Variants in TP53I11 observed in about 807,000 individuals in gnomAD.
TP53I11 encodes the protein tumor protein p53 inducible protein 11.
In TP53I11, 9 loss-of-function variants were observed where a neutral mutation model predicts 23.3. The ratio of observed to expected loss-of-function variants is 0.39; its 90% CI spans 0.23 to 0.67. The LOEUF is 0.67. Ranked by LOEUF, TP53I11 falls within the 30% of genes least tolerant of loss-of-function variation. TP53I11 has a pLI of 0.48. For missense variants in TP53I11, 170 were observed against 255.2 expected (o/e 0.67, Z 2.27); for synonymous variants, 100 against 106.1 (o/e 0.94, Z 0.35).
chr11:44,949,222 GA>G (rs983549585), intron 1 of TP53I11, among the ~76,000 whole-genome samples: 4 of 152,132 alleles, frequency 2.6e-5, no homozygotes, highest in African/African-American at 9.7e-5. Context: ...CTAAGGAGCG[GA>G]CAGTGCCCCC....
Position 44,938,783 on chromosome 11 carries a change from G to A in TP53I11, c.-31-417C>T, listed in dbSNP as rs149756966. 4.8e-4 allele frequency among the ~76,000 whole-genome samples: 73 copies of A among 152,212 alleles called. No homozygotes were observed. The East Asian group carries it at 0.012, about 26-fold the overall frequency. On this transcript the variant is annotated intron_variant, in intron 1 of 6. Transcript: ENST00000525680. ...GGGTCTGTCCAAGCCTGGGGCAGGGGCTTCTGAGTTCTGGGGTTTGGGCCC... is the reference window on the plus strand; with the variant it reads ...GGGTCTGTCCAAGCCTGGGGCAGGGACTTCTGAGTTCTGGGGTTTGGGCCC...
intron 4 of TP53I11, 84 bp downstream of exon 4, chr11:44,937,220 T>C (rs1861240403): frequency 6.6e-7 from 1 of 1,506,916 alleles, no homozygotes; most frequent in Non-Finnish European, 9.0e-7. Flanking sequence ...GGGGCCAGGA[T>C]GGAGGAGGCA....
intron 1 of TP53I11, among the ~76,000 whole-genome samples, chr11:44,940,284 A>T (rs1222864332): frequency 6.6e-6 from 1 of 152,124 alleles, no homozygotes; most frequent in African/African-American, 2.4e-5. Flanking sequence ...ATACAGCAAA[A>T]TTGACGGGCT....
At chr11:44,941,972 C>T (rs895041710) in intron 1 of TP53I11, among the ~76,000 whole-genome samples, 2 of 141,764 alleles carry the variant, frequency 1.4e-5, no homozygotes, top group Non-Finnish European at 3.1e-5. Context: ...ACTGCACACA[C>T]AGTACACACA....
chr11:44,937,889 T>C (rs547220557), intron 2 of TP53I11, among the ~76,000 whole-genome samples: 11 of 152,360 alleles, frequency 7.2e-5, no homozygotes, highest in Non-Finnish European at 1.0e-4. Flanking sequence ...CACTTACCGG[T>C]GTGGCCTTGG....
intron 1 of TP53I11, among the ~76,000 whole-genome samples, chr11:44,943,824 C>T (rs1418513147): frequency 6.6e-6 from 1 of 152,208 alleles, no homozygotes; most frequent in African/African-American, 2.4e-5. Context: ...CCGTGTATCT[C>T]CCCGTGAGGC....
chr11:44,935,015 C>A lies in TP53I11; in HGVS notation c.439G>T (p.Val147Phe). The A allele has an allele frequency of 6.2e-7, 1 of 1,613,574 alleles. No homozygotes were observed. The highest frequency in any genetic ancestry group is 8.5e-7 in the Non-Finnish European group (1 of 1,179,968). ...CCCGTCTCAGCTAGCGTGGCAGTGA[C>A]CACTGTGGGAGAGAGTCCAGCAAGG... ...ACYFGVQFLV[V>F]TATLAETGLM... Residue 147 changes from valine to phenylalanine, a missense_variant and splice_region_variant, in exon 7 of 7, where the codon GTC becomes TTC. Physicochemically the swap from Val to Phe is conservative, Grantham distance 50 (BLOSUM62 -1). Transcript: ENST00000525680.
intron 5 of TP53I11, 25 bp from the exon 6 acceptor site, chr11:44,935,687 CTGGGGGTGGG>C: frequency 3.5e-6 from 2 of 569,792 alleles, no homozygotes; most frequent in African/African-American, 1.9e-5. Flanking sequence ...GAAAAGGGGG[CTGGGGGTGGG>C]ACAGCTGACT....
intron 1 of TP53I11, among the ~76,000 whole-genome samples, chr11:44,943,691 G>C (rs1862119448): frequency 6.6e-6 from 1 of 152,102 alleles, no homozygotes; most frequent in Non-Finnish European, 1.5e-5. Flanking sequence ...TCCTCCTCTG[G>C]ACTCTCACGG....
rs750114589 is a variant in TP53I11, at chr11:44,937,281, AGGGGCT to A, written c.237+17_237+22del. ...AGGGAGCCACACGGGGCCAGATCTC[AGGGGCT>A]GGGGGTGGGGGCTCACCATGATGGC... is the stretch of plus-strand genomic sequence containing the variant. On this transcript the variant is annotated intron_variant, in intron 4 of 6. Coordinates refer to ENST00000525680, the MANE Select transcript of TP53I11 (RefSeq NM_006034.5). 5.2e-6 allele frequency: 8 copies of A among 1,526,648 alleles called. No homozygotes were observed. The highest frequency in any genetic ancestry group is 7.0e-6 in the Non-Finnish European group (8 of 1,137,472). The allele number at this position is 1,526,648 out of a possible 1,614,324, so 94.6% of individuals were successfully genotyped here.
In TP53I11 at chr11:44,934,146, C is replaced by G. The variant is rs1251181561; in HGVS notation, c.*738G>C. On this transcript the variant is annotated 3_prime_UTR_variant, in exon 7 of 7. Transcript: ENST00000525680. ...AGGAGAGTGGGGACAGGACTTCTAG[C>G]TGGGAGAGGACTTCTAGCTGTGTGT... 1 of 152,550 alleles carries G rather than the reference C, an allele frequency of 6.6e-6. No homozygotes were observed. The highest frequency in any genetic ancestry group is 1.5e-5 in the Non-Finnish European group (1 of 68,316). The allele number at this position is 152,550 out of a possible 1,614,324, so 9.4% of individuals were successfully genotyped here. A position where few individuals can be genotyped will look rare whatever the true frequency, so the allele number is the denominator to read the frequency against.
At position 44,936,779 on chromosome 11, in the gene TP53I11, A is replaced by T. The variant is rs138524758; in HGVS notation, c.334+24T>A. 9.9e-4 allele frequency: 1,502 copies of T among 1,522,280 alleles called. 18 individuals carry two copies. In the East Asian group the frequency reaches 0.015, roughly 16 times the overall value. The allele number at this position is 1,522,280 out of a possible 1,614,324, so 94.3% of individuals were successfully genotyped here. On this transcript the variant is annotated intron_variant, in intron 5 of 6. Transcript: ENST00000525680. The surrounding 1 kb of genome is among the most constrained non-coding windows in gnomAD (Gnocchi z 4.4). ...CTCCCAGCTGCCCGTCGCCTCCCCC[A>T]GGGCCCGCCCCAGCAGTACTCACTG...
chr11:44,938,123 T>A (rs1861363016), intron 2 of TP53I11, 84 bp downstream of exon 2: 2 of 1,471,696 alleles, frequency 1.4e-6, no homozygotes, highest in Non-Finnish European at 1.8e-6. Flanking sequence ...TGCGGCTACC[T>A]GGGCCTGGGC....
chr11:44,944,111 C>T (rs963888138), intron 1 of TP53I11, among the ~76,000 whole-genome samples: 1 of 152,198 alleles, frequency 6.6e-6, no homozygotes, highest in African/African-American at 2.4e-5. Context: ...CCTTACTTGC[C>T]TTACTCATGG....
intron 1 of TP53I11, among the ~76,000 whole-genome samples, chr11:44,941,368 T>C (rs551117726): frequency 1.3e-5 from 2 of 152,200 alleles, no homozygotes; most frequent in African/African-American, 2.4e-5. Flanking sequence ...AGAAACAAAA[T>C]AATGGACAGA....
chr11:44,947,204 C>T (rs1324255484), intron 1 of TP53I11: 20 of 447,560 alleles, frequency 4.5e-5, no homozygotes, highest in Admixed American at 4.8e-5. Context: ...CCTGTCTCGA[C>T]GGTCATTCAC....
intron 2 of TP53I11, 90 bp from the exon 3 acceptor site, chr11:44,937,703 G>GCTGGTCCCTGGGT: frequency 6.4e-6 from 9 of 1,406,374 alleles, no homozygotes; most frequent in African/African-American, 1.4e-5. Context: ...GCACACCCAG[G>GCTGGTCCCTGGGT]GACCAGCCTG....
chr11:44,940,689 G>A (rs958833348), intron 1 of TP53I11: 1 of 152,172 alleles, frequency 6.6e-6, no homozygotes, highest in Admixed American at 6.5e-5. Context: ...AGTTGTTGAT[G>A]ATTATGAATA....
chr11:44,936,262 G>T lies in TP53I11; in HGVS notation c.334+541C>A. The stretch of plus-strand genomic sequence containing the variant: ...TTCCAGCAACCCTAACTCCAGAGGA[G>T]CTCAGCCTTTATTCTGTAGGCAATA... On this transcript the variant is annotated intron_variant, in intron 5 of 6. Transcript: ENST00000525680. The surrounding 1 kb of genome is among the most constrained non-coding windows in gnomAD (Gnocchi z 4.4). The T allele has an allele frequency of 9.2e-7, 1 of 1,086,514 alleles. No homozygotes were observed. The highest frequency in any genetic ancestry group is 1.1e-6 in the Non-Finnish European group (1 of 896,968). 67.3% of individuals were successfully genotyped at this position (1,086,514 alleles called of 1,614,324 possible).
Sources: allele counts gnomAD v4.1 joint callset (sites outside exome capture counted in the v4.1 genomes callset), GRCh38; gene constraint gnomAD v4.1.1; non-coding constraint Gnocchi (gnomAD v3.1); transcripts MANE v1.5; gene names NCBI Gene and HGNC (gene_info 2026-07-23, HGNC 2026-07-21).